STAP1: variants seen among roughly 807,000 people sequenced by gnomAD.
STAP1 encodes the protein signal transducing adaptor family member 1, also known as signal-transducing adaptor protein 1.
A neutral mutation model predicts 37.8 loss-of-function variants in STAP1; 30 were observed. The observed-to-expected ratio is 0.79, with a 90% CI of 0.59 to 1.08. The LOEUF is 1.08. Among genes scored for constraint, STAP1 ranks in the 50% least tolerant of loss-of-function variants. STAP1 has a pLI of 0.00. For missense variants in STAP1, 357 were observed against 349.4 expected (o/e 1.02, Z -0.17); for synonymous variants, 130 against 116.0 (o/e 1.12, Z -0.78).
In STAP1 at chr4:67,575,504, C is replaced by T. The variant is rs1294349726; in HGVS notation, c.306+6C>T. On this transcript the variant is annotated splice_donor_region_variant and intron_variant, in intron 3 of 8. Transcript: ENST00000265404. Reference sequence around the variant, plus strand: ...AAGAGGAAGTACAACTGAAGGTGAGCGAGGAGAAACAGTAGTCTGTAAAGG... The same window carrying T: ...AAGAGGAAGTACAACTGAAGGTGAGTGAGGAGAAACAGTAGTCTGTAAAGG... 2 of 1,588,128 alleles carry T rather than the reference C, an allele frequency of 1.3e-6. No individual in the cohort carries two copies. The highest frequency in any genetic ancestry group is 2.2e-5 in the East Asian group (1 of 44,486).
At chr4:67,574,099 G>C (rs1384522502) in intron 2 of STAP1, among the ~76,000 whole-genome samples, 6 of 151,664 alleles carry the variant, frequency 4.0e-5, no homozygotes. Flanking sequence ...TAGCTTTCTG[G>C]AAAAAAGTAT....
intron 2 of STAP1, among the ~76,000 whole-genome samples, chr4:67,574,228 C>G (rs1727670167): frequency 6.6e-6 from 1 of 152,046 alleles, no homozygotes; most frequent in South Asian, 2.1e-4. Context: ...TTGATTCTCA[C>G]AGAATGCTTT....
chr4:67,600,605 G>A (rs1560468270), intron 8 of STAP1, among the ~76,000 whole-genome samples: 1 of 152,014 alleles, frequency 6.6e-6, no homozygotes, highest in Non-Finnish European at 1.5e-5. Flanking sequence ...AGCTATTATT[G>A]TACTGGGGTC....
intron 4 of STAP1, among the ~76,000 whole-genome samples, chr4:67,577,912 G>C (rs1727762740): frequency 6.6e-6 from 1 of 152,098 alleles, no homozygotes. Flanking sequence ...GCCTCCGAAA[G>C]TGCTGGGATT....
Position 67,606,432 on chromosome 4 carries a change from A to AT in STAP1, c.*77dup. The stretch of plus-strand genomic sequence containing the variant: ...AACGAAGTTCTTACTTTTAAAGAGA[A>AT]TTACCTATATTCTCCTGATACTGAT... On this transcript the variant is annotated 3_prime_UTR_variant, in exon 9 of 9. Coordinates refer to ENST00000265404, the MANE Select transcript of STAP1 (RefSeq NM_012108.4). The AT allele has an allele frequency of 7.8e-7, 1 of 1,284,838 alleles. No homozygotes were observed. Among genetic ancestry groups the AT allele is most frequent in the Non-Finnish European group, 1.1e-6 (1 of 920,646 alleles). 79.6% of individuals were successfully genotyped at this position (1,284,838 alleles called of 1,614,324 possible).
At chr4:67,561,028 G>A (rs774725463) in intron 1 of STAP1, among the ~76,000 whole-genome samples, 2 of 152,014 alleles carry the variant, frequency 1.3e-5, no homozygotes, top group Non-Finnish European at 2.9e-5. Context: ...GTGGTTTCAG[G>A]GATTAAAGGG....
chr4:67,574,865 T>A (rs1056442940), intron 2 of STAP1, among the ~76,000 whole-genome samples: 1 of 152,132 alleles, frequency 6.6e-6, no homozygotes, highest in African/African-American at 2.4e-5. Flanking sequence ...ATTTGTAAGG[T>A]TTACCAATTT....
intron 7 of STAP1, among the ~76,000 whole-genome samples, 181 bp downstream of exon 7, chr4:67,591,134 T>C (rs1728111352): frequency 2.0e-5 from 3 of 152,208 alleles, no homozygotes; most frequent in Admixed American, 2.0e-4. Context: ...AAAAATTCTT[T>C]CCACTTTTCT....
chr4:67,568,991 G>A (rs1297432899), intron 1 of STAP1, among the ~76,000 whole-genome samples: 1 of 152,038 alleles, frequency 6.6e-6, no homozygotes, highest in East Asian at 1.9e-4. Context: ...TTAACAATGG[G>A]GATATATTCT....
chr4:67,588,535 G>T (rs1036793063), intron 6 of STAP1, among the ~76,000 whole-genome samples: 1 of 151,556 alleles, frequency 6.6e-6, no homozygotes, highest in Non-Finnish European at 1.5e-5. Context: ...TCAGCCTCCC[G>T]AGTAGCTGGG....
At chr4:67,593,133 A>G (rs927843327) in intron 7 of STAP1, 127 bp from the exon 8 acceptor site, 1 of 603,850 alleles carries the variant, frequency 1.7e-6, no homozygotes, top group South Asian at 2.6e-5. Flanking sequence ...AGGTAAAACT[A>G]TGGTCATACA....
intron 1 of STAP1, among the ~76,000 whole-genome samples, chr4:67,561,838 C>A (rs1162918822): frequency 6.6e-6 from 1 of 151,618 alleles, no homozygotes; most frequent in Non-Finnish European, 1.5e-5. Context: ...CTCTGGGAGG[C>A]CCAGGTGGGC....
chr4:67,600,853 CTA>C (rs1417440725), intron 8 of STAP1, among the ~76,000 whole-genome samples: 14 of 152,142 alleles, frequency 9.2e-5, no homozygotes, highest in African/African-American at 3.4e-4. Context: ...TAGTTTTAGT[CTA>C]TGTCTGTCTT....
chr4:67,572,220 A>G (rs562186838), intron 2 of STAP1, among the ~76,000 whole-genome samples: 5 of 152,340 alleles, frequency 3.3e-5, no homozygotes, highest in African/African-American at 4.8e-5. Context: ...GAAACAGAAG[A>G]CATCTCAAAT....
intron 2 of STAP1, 49 bp from the exon 3 acceptor site, chr4:67,575,336 G>A: frequency 7.9e-7 from 1 of 1,261,078 alleles, no homozygotes; most frequent in Non-Finnish European, 1.1e-6. Context: ...TAGAACTAAT[G>A]TGTATTACCC....
intron 2 of STAP1, among the ~76,000 whole-genome samples, chr4:67,572,559 C>T (rs1727629780): frequency 6.6e-6 from 1 of 152,176 alleles, no homozygotes; most frequent in African/African-American, 2.4e-5. Flanking sequence ...CCATACAGGT[C>T]TCTCTCCTGC....
chr4:67,560,643 G>GGGGTGT (rs370510074), intron 1 of STAP1, among the ~76,000 whole-genome samples: 5,443 of 149,344 alleles, frequency 0.036, 148 homozygotes, highest in African/African-American at 0.067. Context: ...TGTGTGTGTG[G>GGGGTGT]GTGTGTGTCT....
chr4:67,589,448 C>G (rs968628013), intron 6 of STAP1, among the ~76,000 whole-genome samples: 3 of 151,906 alleles, frequency 2.0e-5, no homozygotes, highest in African/African-American at 7.3e-5. Flanking sequence ...GAGAAGAGTC[C>G]CCTGAATAGA....
chr4:67,566,743 G>A (rs1186977615), intron 1 of STAP1, among the ~76,000 whole-genome samples: 2 of 152,202 alleles, frequency 1.3e-5, no homozygotes, highest in Admixed American at 1.3e-4. Flanking sequence ...GTTGAAATGG[G>A]CAGATCACTT....
Sources: gnomAD v4.1 joint callset for allele counts (sites outside exome capture counted in the v4.1 genomes callset) on GRCh38, gnomAD v4.1.1 for gene constraint, MANE v1.5 for transcripts, NCBI Gene and HGNC (gene_info 2026-07-23, HGNC 2026-07-21) for gene names.